The following TRAIP variants were observed in gnomAD, a reference collection of about 807,000 sequenced individuals.
TRAIP encodes E3 ubiquitin-protein ligase TRAIP.
TRAIP carries 37 observed loss-of-function variants against 65.0 expected under a neutral mutation model. The observed-to-expected ratio is 0.57, with a 90% CI of 0.44 to 0.75. The LOEUF is 0.75. TRAIP is among the 30% of genes least tolerant of loss of function. The pLI is 0.00. For missense variants in TRAIP, 481 were observed against 579.4 expected (o/e 0.83, Z 1.74); for synonymous variants, 187 against 219.1 (o/e 0.85, Z 1.29).
chr3:49,831,795 G>T, intron 11 of TRAIP, 121 bp downstream of exon 11: 2 of 1,203,332 alleles, frequency 1.7e-6, no homozygotes, highest in South Asian at 2.2e-5. Flanking sequence ...CAAAGCCATG[G>T]CCAAGCCTAG....
At chr3:49,829,302 G>C in intron 14 of TRAIP, 77 bp from the exon 15 acceptor site, 1 of 1,613,254 alleles carries the variant, frequency 6.2e-7, no homozygotes. Flanking sequence ...TGCAGGGCAA[G>C]AAAGGCTCAG....
chr3:49,853,770 C>T (rs1381985413), intron 1 of TRAIP, among the ~76,000 whole-genome samples: 1 of 151,982 alleles, frequency 6.6e-6, no homozygotes, highest in African/African-American at 2.4e-5. Context: ...TCACGTGAAC[C>T]CAAGAGGCAG....
At position 49,835,868 on chromosome 3, in the gene TRAIP, G is replaced by A. The variant is rs369514405; in HGVS notation, c.885-3800C>T. Among the ~76,000 whole-genome samples, 22 of 151,700 alleles carry A rather than the reference G, an allele frequency of 1.5e-4. No individual in the cohort carries two copies. The East Asian group carries it at 2.4e-3, about 16-fold the overall frequency. ...GCAGGAGAATAGCGTGAACCGGGGA[G>A]GCGGAGCTTGAAGTGAGCCGAGATC... On this transcript the variant is annotated intron_variant, in intron 10 of 14. Transcript: ENST00000331456.
intron 1 of TRAIP, among the ~76,000 whole-genome samples, chr3:49,854,162 A>T (rs2081954249): frequency 6.6e-6 from 1 of 152,138 alleles, no homozygotes; most frequent in African/African-American, 2.4e-5. Context: ...TCCTGTCTCT[A>T]CAAAAAACAA....
chr3:49,836,942 C>G (rs1559446973), intron 10 of TRAIP, among the ~76,000 whole-genome samples: 1 of 148,646 alleles, frequency 6.7e-6, no homozygotes, highest in Non-Finnish European at 1.5e-5. Context: ...TTCCATCTTC[C>G]TTGACATGAC....
intron 7 of TRAIP, 132 bp downstream of exon 7, chr3:49,841,694 T>G (rs752767736): frequency 1.0e-5 from 7 of 672,650 alleles, no homozygotes; most frequent in Non-Finnish European, 1.8e-5. Flanking sequence ...GAATCAGGGT[T>G]CAAACAAAGG....
At chr3:49,853,224 G>C (rs186988296) in intron 1 of TRAIP, among the ~76,000 whole-genome samples, 3 of 152,250 alleles carry the variant, frequency 2.0e-5, no homozygotes, top group African/African-American at 7.2e-5. Context: ...TAAAGGTAAT[G>C]AGAGTCTGAG....
chr3:49,849,791 C>G (rs1047891249), intron 1 of TRAIP, among the ~76,000 whole-genome samples: 2 of 151,834 alleles, frequency 1.3e-5, no homozygotes, highest in Admixed American at 6.6e-5. Flanking sequence ...GAAAATGATA[C>G]CATCATCCTG....
intron 6 of TRAIP, 63 bp downstream of exon 6, chr3:49,842,390 G>A: frequency 6.5e-7 from 1 of 1,527,176 alleles, no homozygotes; most frequent in South Asian, 1.1e-5. Flanking sequence ...GCAGTCCTAA[G>A]AACTGTACCA....
At chr3:49,852,486 T>TG (rs2081941442) in intron 1 of TRAIP, among the ~76,000 whole-genome samples, 1 of 151,760 alleles carries the variant, frequency 6.6e-6, no homozygotes, top group Admixed American at 6.6e-5. Flanking sequence ...CCAGGCGCGG[T>TG]GGCTCACGCC....
At chr3:49,848,349 C>T (rs2081903164) in intron 1 of TRAIP, 149 bp from the exon 2 acceptor site, 1 of 822,286 alleles carries the variant, frequency 1.2e-6, no homozygotes, top group East Asian at 2.7e-5. Context: ...TAGGCAGTTA[C>T]AGCACCTCCC....
intron 10 of TRAIP, among the ~76,000 whole-genome samples, chr3:49,836,121 C>G (rs1310780037): frequency 2.0e-5 from 3 of 151,804 alleles, no homozygotes; most frequent in African/African-American, 7.2e-5. Flanking sequence ...TACCACCACA[C>G]CTGGCTAATT....
chr3:49,843,087 C>T (rs2081852136), intron 5 of TRAIP: 1 of 155,592 alleles, frequency 6.4e-6, no homozygotes, highest in African/African-American at 2.4e-5. Flanking sequence ...ACCAGCCAGA[C>T]CATGTGATCC....
chr3:49,832,904 C>G (rs2081748872), intron 10 of TRAIP, among the ~76,000 whole-genome samples: 1 of 152,120 alleles, frequency 6.6e-6, no homozygotes, highest in South Asian at 2.1e-4. Flanking sequence ...GCACCACAAT[C>G]CCACTTCCAC....
At position 49,856,470 on chromosome 3, in the gene TRAIP, G is replaced by T; in HGVS notation, c.-17C>A. ...GATAGGCATGATGGCTGGACTCAAGGGGCCCAGGCAGCCAAAGAAACTGCT... is the reference window on the plus strand; with the variant it reads ...GATAGGCATGATGGCTGGACTCAAGTGGCCCAGGCAGCCAAAGAAACTGCT... On this transcript the variant is annotated 5_prime_UTR_variant, in exon 1 of 15. Coordinates refer to ENST00000331456, the MANE Select transcript of TRAIP (RefSeq NM_005879.3). 1 of 1,608,888 alleles carries T rather than the reference G, an allele frequency of 6.2e-7. No homozygotes were observed. The highest frequency in any genetic ancestry group is 8.5e-7 in the Non-Finnish European group (1 of 1,177,092).
chr3:49,834,005 T>C (rs978928959), intron 10 of TRAIP, among the ~76,000 whole-genome samples: 1 of 152,180 alleles, frequency 6.6e-6, no homozygotes, highest in Non-Finnish European at 1.5e-5. Flanking sequence ...CAGGGCTTCA[T>C]GCCAGAGGCC....
intron 1 of TRAIP, among the ~76,000 whole-genome samples, chr3:49,851,094 C>T (rs747308643): frequency 1.3e-5 from 2 of 152,030 alleles, no homozygotes; most frequent in Non-Finnish European, 2.9e-5. Context: ...ATGATCACCT[C>T]AGCATCCTGG....
intron 11 of TRAIP, 36 bp from the exon 12 acceptor site, chr3:49,830,104 G>T: frequency 6.2e-7 from 1 of 1,611,136 alleles, no homozygotes; most frequent in Non-Finnish European, 8.5e-7. Flanking sequence ...GGGTAGGTAA[G>T]CAAGACATGG....
chr3:49,855,534 G>C (rs1446582230), intron 1 of TRAIP, among the ~76,000 whole-genome samples: 1 of 152,226 alleles, frequency 6.6e-6, no homozygotes, highest in South Asian at 2.1e-4. Flanking sequence ...AGTACGCTTA[G>C]AGGCGAGCTT....
Sources: gnomAD v4.1 joint callset for allele counts (sites outside exome capture counted in the v4.1 genomes callset) on GRCh38, gnomAD v4.1.1 for gene constraint, MANE v1.5 for transcripts, NCBI Gene and HGNC (gene_info 2026-07-23, HGNC 2026-07-21) for gene names.